The following NEIL3 variants were observed in gnomAD, a reference collection of about 807,000 sequenced individuals.
NEIL3 encodes the protein endonuclease 8-like 3.
In NEIL3, 48 loss-of-function variants were observed where a neutral mutation model predicts 57.5. That is an observed-to-expected ratio of 0.83 (90% CI 0.66 to 1.06). NEIL3 has a LOEUF of 1.06. Ranked by LOEUF, NEIL3 falls within the 50% of genes least tolerant of loss-of-function variation. The pLI, the probability that NEIL3 is intolerant of heterozygous loss-of-function variation, is 0.00. For synonymous variants in NEIL3, 261 were observed against 253.2 expected (o/e 1.03, Z -0.29); for missense variants, 717 against 739.1 (o/e 0.97, Z 0.35).
In NEIL3 at chr4:177,310,043, C is replaced by T; in HGVS notation, c.90C>T (p.Ser30=). The change falls in exon 1 of 10, where the codon AGC becomes AGT. Residue 30 remains serine, a synonymous_variant. Coordinates refer to ENST00000264596, the MANE Select transcript of NEIL3 (RefSeq NM_018248.3). The part of the protein sequence containing the change: ...PGQAVTGVRG[S]ALRSLQGRAL... ...AGGCGGTGACCGGCGTGCGGGGAAG[C>T]GCTCTGCGGAGTCTGCAGGGCCGCG... 6.2e-7 allele frequency: 1 copy of T among 1,609,336 alleles called. No homozygotes were observed. The highest frequency in any genetic ancestry group is 8.5e-7 in the Non-Finnish European group (1 of 1,178,504).
intron 1 of NEIL3, among the ~76,000 whole-genome samples, chr4:177,310,425 C>T (rs1472492152): frequency 6.6e-6 from 1 of 152,202 alleles, no homozygotes; most frequent in African/African-American, 2.4e-5. Flanking sequence ...ATGTCTACAG[C>T]TGCATTTTTT....
downstream of NEIL3, among the ~76,000 whole-genome samples, chr4:177,367,835 C>T (rs1735710801): frequency 6.6e-6 from 1 of 152,210 alleles, no homozygotes; most frequent in Non-Finnish European, 1.5e-5. Flanking sequence ...TTCTTTGCAA[C>T]AGCCGCTGTG....
intron 1 of NEIL3, among the ~76,000 whole-genome samples, chr4:177,317,857 A>G (rs1045130344): frequency 1.3e-5 from 2 of 152,014 alleles, no homozygotes; most frequent in African/African-American, 4.8e-5. Context: ...TCGGCCTCCC[A>G]AAGTGCTGGA....
intron 6 of NEIL3, among the ~76,000 whole-genome samples, chr4:177,350,429 A>G (rs1735325956): frequency 1.3e-5 from 2 of 152,236 alleles, no homozygotes; most frequent in African/African-American, 4.8e-5. Flanking sequence ...AGGACTTCAG[A>G]TGGAGAATCA....
chr4:177,318,290 C>G (rs144282214), intron 1 of NEIL3, among the ~76,000 whole-genome samples: 65 of 152,262 alleles, frequency 4.3e-4, no homozygotes, highest in African/African-American at 1.5e-3. Flanking sequence ...AGAACCCTTA[C>G]TTTTGTCAGT....
At chr4:177,312,915 A>G (rs1402427635) in intron 1 of NEIL3, among the ~76,000 whole-genome samples, 5 of 152,108 alleles carry the variant, frequency 3.3e-5, no homozygotes, top group Non-Finnish European at 7.4e-5. Context: ...AGTCTTTTGC[A>G]TTTTAGAGGG....
In NEIL3 at chr4:177,351,550, G is replaced by A. The variant is rs564561396; in HGVS notation, c.1039+1G>A. 14 of 1,606,186 alleles carry A rather than the reference G, an allele frequency of 8.7e-6. No homozygotes were observed. The South Asian group carries it at 1.3e-4, about 15-fold the overall frequency. On this transcript the variant is annotated splice_donor_variant, in intron 7 of 9. Coordinates refer to ENST00000264596, the MANE Select transcript of NEIL3 (RefSeq NM_018248.3). LOFTEE classifies it high-confidence loss of function. ...GCTTGCTTGACCTCAAGGCCTATTG[G>A]TAAGACTGAATTTTGATTTTGAGTT... is the stretch of plus-strand genomic sequence containing the variant.
downstream of NEIL3, among the ~76,000 whole-genome samples, chr4:177,363,404 ATTTTG>A (rs1735648685): frequency 6.6e-6 from 1 of 152,208 alleles, no homozygotes; most frequent in Non-Finnish European, 1.5e-5. Context: ...TTTTATAAGT[ATTTTG>A]TTTTGACTCT....
At chr4:177,335,371 AAG>A (rs879777282) in intron 2 of NEIL3, among the ~76,000 whole-genome samples, 1 of 152,162 alleles carries the variant, frequency 6.6e-6, no homozygotes, top group Non-Finnish European at 1.5e-5. Flanking sequence ...CCATGAATAA[AAG>A]ATACTTCATC....
intron 2 of NEIL3, among the ~76,000 whole-genome samples, chr4:177,331,808 T>C (rs1364674182): frequency 6.6e-6 from 1 of 152,198 alleles, no homozygotes; most frequent in Admixed American, 6.5e-5. Flanking sequence ...AGTAAAGTAG[T>C]TGACCTTCGT....
Position 177,353,589 on chromosome 4 carries a change from A to G in NEIL3, c.1321A>G (p.Thr441Ala). The G allele has an allele frequency of 1.2e-6, 2 of 1,613,388 alleles. No individual in the cohort carries two copies. The highest frequency in any genetic ancestry group is 1.7e-6 in the Non-Finnish European group (2 of 1,179,458). ...HPSKKTTNDITQPSSKVNISP... is the reference protein window; with the variant it reads ...HPSKKTTNDIAQPSSKVNISP... The stretch of plus-strand genomic sequence containing the variant: ...CTCCAAGAAGACAACAAACGATATA[A>G]CTCAACCATCCAGCAAAGTAAACAT... The change falls in exon 8 of 10, where the codon ACT becomes GCT. Residue 441 changes from threonine to alanine, a missense_variant. Transcript: ENST00000264596.
rs749724613 is a variant in NEIL3, at chr4:177,351,412, G to A, written c.902G>A (p.Trp301Ter). 10 of 1,612,970 alleles carry A rather than the reference G, an allele frequency of 6.2e-6. No individual in the cohort carries two copies. The highest frequency in any genetic ancestry group is 3.3e-4 in the Middle Eastern group (2 of 6,056). Residue 301 changes from tryptophan (W) to a stop codon, truncating the protein, a stop_gained, in exon 7 of 10, where the codon TGG becomes TAG. Transcript: ENST00000264596. LOFTEE classifies it high-confidence loss of function. Reference sequence around the variant, plus strand: ...CCGACTAGAAATACTATAATCAGTTGGACATCTAGCAGGGTGGATCATGTT... The same window carrying A: ...CCGACTAGAAATACTATAATCAGTTAGACATCTAGCAGGGTGGATCATGTT... ...KLPTRNTIIS[W>*]TSSRVDHVMD...
chr4:177,312,871 A>C (rs557917749), intron 1 of NEIL3, among the ~76,000 whole-genome samples: 15 of 152,290 alleles, frequency 9.8e-5, no homozygotes, highest in Non-Finnish European at 8.8e-5. Flanking sequence ...ATCTGAAAAA[A>C]AAAACATAAT....
At chr4:177,345,425 G>C (rs1023675801) in intron 6 of NEIL3, among the ~76,000 whole-genome samples, 3 of 151,574 alleles carry the variant, frequency 2.0e-5, no homozygotes, top group Non-Finnish European at 4.4e-5. Flanking sequence ...GTAGTTGGTT[G>C]CCAGTCAATG....
At position 177,336,225 on chromosome 4, in the gene NEIL3, A is replaced by G. The variant is rs527920923; in HGVS notation, c.531A>G (p.Leu177=). 2 of 1,614,196 alleles carry G rather than the reference A, an allele frequency of 1.2e-6. No homozygotes were observed. Among genetic ancestry groups the G allele is most frequent in the Non-Finnish European group, 1.7e-6 (2 of 1,179,994 alleles). The part of the protein sequence containing the change: ...SEVKKQKGRM[L]GDVLMDQNVL... ...TTAAAAAACAGAAAGGCCGGATGCT[A>G]GGTGATGTGCTAATGGATCAGAACG... The change falls in exon 4 of 10, where the codon CTA becomes CTG. Residue 177 remains leucine, a synonymous_variant. Coordinates refer to ENST00000264596, the MANE Select transcript of NEIL3 (RefSeq NM_018248.3).
In NEIL3 at chr4:177,321,685, C is replaced by T. The variant is rs1198220953; in HGVS notation, c.157-774C>T. 2.0e-5 allele frequency among the ~76,000 whole-genome samples: 3 copies of T among 152,256 alleles called. No homozygotes were observed. In the East Asian group the frequency reaches 5.8e-4, roughly 29 times the overall value. ...CAATATATTGTTTGGTTTTGCAAGG[C>T]TGATGGGGGAAAGGGAATATGAGTT... On this transcript the variant is annotated intron_variant, in intron 1 of 9. Transcript: ENST00000264596.
At chr4:177,337,050 TC>T (rs773462932) in intron 4 of NEIL3, among the ~76,000 whole-genome samples, 3 of 152,064 alleles carry the variant, frequency 2.0e-5, no homozygotes, top group Non-Finnish European at 4.4e-5. Flanking sequence ...TTATTTTTTT[TC>T]TTGTTCTACA....
chr4:177,369,533 C>T, the NEIL3 span, among the ~76,000 whole-genome samples: 1 of 152,082 alleles, frequency 6.6e-6, no homozygotes, highest in Non-Finnish European at 1.5e-5. Context: ...GATAAGCAAG[C>T]CAATGCACAC....
chr4:177,325,378 G>A (rs1426731289), intron 2 of NEIL3, among the ~76,000 whole-genome samples: 2 of 152,036 alleles, frequency 1.3e-5, no homozygotes, highest in South Asian at 2.1e-4. Context: ...AGTATCAGTG[G>A]TACTTTCTTT....
Sources: allele counts gnomAD v4.1 joint callset (sites outside exome capture counted in the v4.1 genomes callset), GRCh38; gene constraint gnomAD v4.1.1; transcripts MANE v1.5; gene names NCBI Gene and HGNC (gene_info 2026-07-23, HGNC 2026-07-21).